The following SGCD variants were observed in gnomAD, a reference collection of about 807,000 sequenced individuals.
SGCD encodes sarcoglycan delta.
In SGCD, 18 loss-of-function variants were observed where a neutral mutation model predicts 36.6. That is an observed-to-expected ratio of 0.49 (90% CI 0.34 to 0.73). The LOEUF (loss-of-function observed/expected upper bound fraction) is 0.73, where lower values mean the gene tolerates loss of function less well. Ranked by LOEUF, SGCD falls within the 30% of genes least tolerant of loss-of-function variation. The pLI, the probability that SGCD is intolerant of heterozygous loss-of-function variation, is 0.01. For missense variants in SGCD, 387 were observed against 346.7 expected, an observed-to-expected ratio of 1.12 and a Z score of -0.92; for synonymous variants, 133 against 130.6, an observed-to-expected ratio of 1.02 and a Z score of -0.12.
At chr5:156,591,287 A>G (rs1760714207) in intron 5 of SGCD, among the ~76,000 whole-genome samples, 1 of 152,228 alleles carries the variant, frequency 6.6e-6, no homozygotes, top group Non-Finnish European at 1.5e-5. Context: ...TTACCTAAAG[A>G]ATGTCTCAAA....
chr5:156,340,667 G>A (rs536664766), intron 2 of SGCD, among the ~76,000 whole-genome samples: 3 of 152,282 alleles, frequency 2.0e-5, no homozygotes, highest in Admixed American at 1.3e-4. Context: ...TTATAAAATT[G>A]TATGACTATT....
chr5:156,578,166 G>A (rs1760063754), intron 4 of SGCD, among the ~76,000 whole-genome samples: 1 of 152,292 alleles, frequency 6.6e-6, no homozygotes, highest in South Asian at 2.1e-4. Context: ...CATCTATTGA[G>A]ATAATCATGT....
At chr5:155,972,581 C>T (rs1348784361) in intron 1 of SGCD, among the ~76,000 whole-genome samples, 3 of 151,976 alleles carry the variant, frequency 2.0e-5, no homozygotes, top group African/African-American at 7.3e-5. Flanking sequence ...TGTGTTTAAG[C>T]ATATGTTAAC....
At chr5:155,935,496 T>G (rs1418049238) in intron 1 of SGCD, among the ~76,000 whole-genome samples, 1 of 152,034 alleles carries the variant, frequency 6.6e-6, no homozygotes, top group Non-Finnish European at 1.5e-5. Flanking sequence ...ATTGAAGTAA[T>G]GTAAAAGAAT....
chr5:155,803,892 A>G, the SGCD span, among the ~76,000 whole-genome samples: 1 of 152,224 alleles, frequency 6.6e-6, no homozygotes, highest in African/African-American at 2.4e-5. Context: ...GCAGCGCAGC[A>G]CAATAAAGAA....
At chr5:155,773,818 G>A in the SGCD span, among the ~76,000 whole-genome samples, 1 of 152,074 alleles carries the variant, frequency 6.6e-6, no homozygotes, top group East Asian at 1.9e-4. Flanking sequence ...GAAGAAGAAT[G>A]CTACAAGCAA....
rs1282856801 is a variant in SGCD, at chr5:156,231,501, A to T, written c.-43-98033A>T. ...CAGTGAGCTGAGATCGCCCCACTGC[A>T]CTCTATCCTGGGCAACAGAGAAAGA... On this transcript the variant is annotated intron_variant, in intron 3 of 9. Coordinates refer to the SGCD transcript ENST00000517913. 2.6e-5 allele frequency among the ~76,000 whole-genome samples: 4 copies of T among 152,144 alleles called. No homozygotes were observed. The East Asian group carries it at 7.7e-4, about 29-fold the overall frequency.
At chr5:156,676,938 G>A (rs192608592) in intron 7 of SGCD, among the ~76,000 whole-genome samples, 22 of 152,270 alleles carry the variant, frequency 1.4e-4, no homozygotes, top group African/African-American at 5.3e-4. Context: ...TTCTAGCCAG[G>A]GAGACCTTAA....
intron 1 of SGCD, among the ~76,000 whole-genome samples, chr5:155,973,765 T>C (rs747003714): frequency 1.1e-4 from 17 of 152,196 alleles, no homozygotes; most frequent in Admixed American, 3.9e-4. Flanking sequence ...GTTATTTAAC[T>C]TTGCAAAGCC....
chr5:156,652,175 T>C (rs1472209590), intron 7 of SGCD, among the ~76,000 whole-genome samples: 1 of 152,104 alleles, frequency 6.6e-6, no homozygotes, highest in East Asian at 1.9e-4. Context: ...TTTAGGGTTT[T>C]CTAGCTATAG....
intron 1 of SGCD, among the ~76,000 whole-genome samples, chr5:155,980,361 G>A (rs948061762): frequency 2.6e-5 from 4 of 151,592 alleles, no homozygotes; most frequent in East Asian, 3.9e-4. Flanking sequence ...CTAGGCGGGC[G>A]GATCATGAGG....
At chr5:156,288,594 T>C (rs1243862204) in intron 3 of SGCD, among the ~76,000 whole-genome samples, 5 of 152,268 alleles carry the variant, frequency 3.3e-5, no homozygotes, top group Admixed American at 2.6e-4. Flanking sequence ...AATAATACAA[T>C]GGCAAACTCA....
chr5:155,839,356 A>T, the SGCD span, among the ~76,000 whole-genome samples: 1 of 152,122 alleles, frequency 6.6e-6, no homozygotes, highest in African/African-American at 2.4e-5. Context: ...CCAGCAAAAA[A>T]ATTTGCCTAT....
chr5:156,242,404 T>C (rs1765327069), intron 3 of SGCD, among the ~76,000 whole-genome samples: 1 of 152,182 alleles, frequency 6.6e-6, no homozygotes, highest in Non-Finnish European at 1.5e-5. Context: ...GACTGTTCTG[T>C]GTATTGACTC....
At chr5:156,682,747 G>A (rs999063640) in intron 7 of SGCD, among the ~76,000 whole-genome samples, 4 of 152,070 alleles carry the variant, frequency 2.6e-5, no homozygotes, top group Admixed American at 1.3e-4. Context: ...GGCCTTTGTG[G>A]TATTAGGGGT....
chr5:155,836,326 A>C, the SGCD span, among the ~76,000 whole-genome samples: 2 of 152,142 alleles, frequency 1.3e-5, no homozygotes, highest in Non-Finnish European at 2.9e-5. Flanking sequence ...GGCCATACTG[A>C]TTATGCCACC....
intron 3 of SGCD, among the ~76,000 whole-genome samples, chr5:156,461,543 G>A (rs1428185167): frequency 1.3e-5 from 2 of 151,898 alleles, no homozygotes; most frequent in Non-Finnish European, 2.9e-5. Context: ...AACCTTTCAG[G>A]CTATAAATTA....
intron 1 of SGCD, among the ~76,000 whole-genome samples, chr5:155,957,042 G>A (rs1757675789): frequency 6.6e-6 from 1 of 151,984 alleles, no homozygotes. Flanking sequence ...ATCAATAAAG[G>A]TGACAGAGGG....
intron 6 of SGCD, among the ~76,000 whole-genome samples, chr5:156,605,156 C>T (rs1002359122): frequency 6.6e-6 from 1 of 152,046 alleles, no homozygotes; most frequent in Non-Finnish European, 1.5e-5. Flanking sequence ...CCCATTAACT[C>T]GTCATTTAAC....
Sources: allele counts gnomAD v4.1 joint callset (sites outside exome capture counted in the v4.1 genomes callset), GRCh38; gene constraint gnomAD v4.1.1; transcripts MANE v1.5; gene names NCBI Gene and HGNC (gene_info 2026-07-23, HGNC 2026-07-21).